RTN1: variants seen among roughly 807,000 people sequenced by gnomAD.
RTN1 encodes the protein reticulon 1.
RTN1 carries 25 observed loss-of-function variants against 65.5 expected under a neutral mutation model. The observed-to-expected ratio is 0.38, with a 90% CI of 0.28 to 0.53. The LOEUF is 0.53. Among genes scored for constraint, RTN1 ranks in the 20% least tolerant of loss-of-function variants. The probability of loss-of-function intolerance (pLI) is 0.79; values close to 1 mark genes in which losing one functional copy is unlikely to be tolerated. For missense variants in RTN1, 983 were observed against 1,025.4 expected, an observed-to-expected ratio of 0.96 and a Z score of 0.57; for synonymous variants, 471 against 447.6, an observed-to-expected ratio of 1.05 and a Z score of -0.66.
intron 1 of RTN1, among the ~76,000 whole-genome samples, chr14:59,770,395 A>AAG (rs1216635334): frequency 2.7e-5 from 4 of 150,854 alleles, no homozygotes; most frequent in Admixed American, 6.6e-5. Flanking sequence ...AAAAAAAAAA[A>AAG]AAAAAAAAAG....
At chr14:59,597,901 A>G (rs12437411) in intron 8 of RTN1, among the ~76,000 whole-genome samples, 69,308 of 151,910 alleles carry the variant, frequency 0.46, 18,126 homozygotes, top group East Asian at 0.84. Context: ...TGCTTGGGGT[A>G]TGGACAGGGG....
intron 1 of RTN1, among the ~76,000 whole-genome samples, chr14:59,751,210 T>C (rs1885514501): frequency 6.7e-6 from 1 of 149,016 alleles, no homozygotes; most frequent in Non-Finnish European, 1.5e-5. Context: ...TTTTTTTTTT[T>C]TTTTGCATAT....
chr14:59,606,592 C>T (rs942931622), intron 4 of RTN1, among the ~76,000 whole-genome samples: 16 of 152,186 alleles, frequency 1.1e-4, no homozygotes, highest in African/African-American at 3.6e-4. Context: ...GCACCTTGAT[C>T]TTGGATTTCC....
chr14:59,788,330 C>T (rs1186782746), intron 1 of RTN1, among the ~76,000 whole-genome samples: 1 of 152,172 alleles, frequency 6.6e-6, no homozygotes, highest in Non-Finnish European at 1.5e-5. Flanking sequence ...CTGATTTGCA[C>T]TCCTACCAAC....
At chr14:59,665,874 G>A (rs906532545) in intron 3 of RTN1, among the ~76,000 whole-genome samples, 1 of 152,114 alleles carries the variant, frequency 6.6e-6, no homozygotes, top group Non-Finnish European at 1.5e-5. Context: ...AGGGATCAAC[G>A]CAACAAGAAG....
At chr14:59,750,834 C>CTCCCAAGTCCAAG (rs1885503913) in intron 1 of RTN1, among the ~76,000 whole-genome samples, 2 of 144,454 alleles carry the variant, frequency 1.4e-5, no homozygotes, top group Non-Finnish European at 3.0e-5. Flanking sequence ...CTAGTTCACC[C>CTCCCAAGTCCAAG]TCCCAAGTAA....
chr14:59,714,445 G>A (rs1445637095), intron 3 of RTN1, among the ~76,000 whole-genome samples: 1 of 152,144 alleles, frequency 6.6e-6, no homozygotes, highest in Non-Finnish European at 1.5e-5. Flanking sequence ...ATAGATGAGT[G>A]TGAGTGTTCA....
chr14:59,635,876 TC>T, intron 3 of RTN1, among the ~76,000 whole-genome samples: 1 of 152,270 alleles, frequency 6.6e-6, no homozygotes, highest in East Asian at 1.9e-4. Context: ...TTTTTTCTCA[TC>T]AGTGTTAATA....
At chr14:59,632,012 G>C (rs1882567029) in intron 3 of RTN1, among the ~76,000 whole-genome samples, 1 of 152,162 alleles carries the variant, frequency 6.6e-6, no homozygotes, top group Non-Finnish European at 1.5e-5. Flanking sequence ...GTAATCTCAA[G>C]GTTATGCTTG....
chr14:59,660,110 C>T (rs1039373939), intron 3 of RTN1, among the ~76,000 whole-genome samples: 3 of 152,068 alleles, frequency 2.0e-5, no homozygotes, highest in Admixed American at 2.0e-4. Flanking sequence ...ATAAAACAGA[C>T]TTTAAACCAA....
intron 1 of RTN1, 104 bp from the exon 2 acceptor site, chr14:59,746,585 T>TTC: frequency 2.0e-6 from 2 of 1,004,484 alleles, no homozygotes; most frequent in Non-Finnish European, 2.9e-6. Flanking sequence ...ATGACATCCT[T>TTC]TCTCCTTAAG....
intron 3 of RTN1, among the ~76,000 whole-genome samples, chr14:59,716,860 C>T (rs547447449): frequency 6.6e-6 from 1 of 151,272 alleles, no homozygotes; most frequent in Non-Finnish European, 1.5e-5. Context: ...CCCAGCTACT[C>T]GGGAGGCTGA....
chr14:59,708,927 C>T (rs191689394), intron 3 of RTN1, among the ~76,000 whole-genome samples: 26 of 152,310 alleles, frequency 1.7e-4, no homozygotes, highest in Admixed American at 1.3e-4. Flanking sequence ...CTTTCTACTG[C>T]TCCATATTCT....
chr14:59,715,399 C>T (rs1884512688), intron 3 of RTN1, among the ~76,000 whole-genome samples: 1 of 152,142 alleles, frequency 6.6e-6, no homozygotes, highest in African/African-American at 2.4e-5. Flanking sequence ...AAATGTAAAT[C>T]ATAACAGGAC....
chr14:59,820,948 C>T (rs2139628407), intron 1 of RTN1, among the ~76,000 whole-genome samples: 2 of 152,264 alleles, frequency 1.3e-5, no homozygotes, highest in Middle Eastern at 3.4e-3. Context: ...TAGTGGGATG[C>T]CTCTGGCTTT....
chr14:59,746,992 T>A (rs1014784016), intron 1 of RTN1, among the ~76,000 whole-genome samples: 4 of 152,198 alleles, frequency 2.6e-5, no homozygotes, highest in African/African-American at 9.7e-5. Context: ...CTTTCATTCA[T>A]GGACTACTGA....
At chr14:59,723,773 C>T (rs1350080637) in intron 3 of RTN1, among the ~76,000 whole-genome samples, 1 of 152,204 alleles carries the variant, frequency 6.6e-6, no homozygotes, top group African/African-American at 2.4e-5. Flanking sequence ...CAACCTCCCA[C>T]ATAATATCAA....
chr14:59,676,937 G>T (rs1181100556), intron 3 of RTN1, among the ~76,000 whole-genome samples: 1 of 152,186 alleles, frequency 6.6e-6, no homozygotes, highest in East Asian at 1.9e-4. Flanking sequence ...GGTTTTCTGG[G>T]AAGGCATTAT....
intron 3 of RTN1, among the ~76,000 whole-genome samples, chr14:59,723,168 A>G (rs1203267617): frequency 6.6e-6 from 1 of 152,176 alleles, no homozygotes; most frequent in Non-Finnish European, 1.5e-5. Context: ...TTACTTTATT[A>G]TTAACGTTTT....
Sources: allele counts gnomAD v4.1 joint callset (sites outside exome capture counted in the v4.1 genomes callset), GRCh38; gene constraint gnomAD v4.1.1; transcripts MANE v1.5; gene names NCBI Gene and HGNC (gene_info 2026-07-23, HGNC 2026-07-21).